Variants in RYR3 observed in about 807,000 individuals in gnomAD.
The protein encoded by RYR3 is brain ryanodine receptor-calcium release channel.
In RYR3, 207 loss-of-function variants were observed where a neutral mutation model predicts 584.3. The observed-to-expected ratio is 0.35, with a 90% confidence interval of 0.32 to 0.40. The LOEUF is 0.40. Ranked by LOEUF, RYR3 falls within the 10% of genes least tolerant of loss-of-function variation. The probability of loss-of-function intolerance (pLI) is 1.00; values close to 1 mark genes in which losing one functional copy is unlikely to be tolerated. For missense variants in RYR3, 5,616 were observed against 6,089.2 expected, an observed-to-expected ratio of 0.92 and a Z score of 2.59; for synonymous variants, 2,416 against 2,248.5, an observed-to-expected ratio of 1.07 and a Z score of -2.11.
chr15:33,380,577 G>A (rs1284639801), intron 1 of RYR3, among the ~76,000 whole-genome samples: 1 of 152,186 alleles, frequency 6.6e-6, no homozygotes, highest in Non-Finnish European at 1.5e-5. Context: ...AATTCCACAG[G>A]CTGCACTTAG....
Position 33,634,610 on chromosome 15 carries a change from C to G in RYR3, c.3052C>G (p.Arg1018Gly). Residue 1018 changes from arginine (R) to glycine (G), a missense_variant, in exon 25 of 104, where the codon CGT becomes GGT. Transcript: ENST00000634891. ...QQDLKNKRNP[R>G]LVPYALLDER... ...GGATTTGAAGAACAAAAGAAATCCCCGTCTGGTGCCATATGCATTACTGGA... is the reference window on the plus strand; with the variant it reads ...GGATTTGAAGAACAAAAGAAATCCCGGTCTGGTGCCATATGCATTACTGGA... The G allele has an allele frequency of 6.2e-7, 1 of 1,613,862 alleles. No individual in the cohort carries two copies. Among genetic ancestry groups the G allele is most frequent in the Non-Finnish European group, 8.5e-7 (1 of 1,179,840 alleles).
At chr15:33,631,996 TG>T (rs1050208977) in intron 23 of RYR3, among the ~76,000 whole-genome samples, 11 of 152,368 alleles carry the variant, frequency 7.2e-5, no homozygotes, top group African/African-American at 2.6e-4. Context: ...AAAGCACATC[TG>T]ACAGGCTGCA....
At chr15:33,840,161 G>A (rs749803730) in intron 89 of RYR3, among the ~76,000 whole-genome samples, 15 of 152,330 alleles carry the variant, frequency 9.8e-5, no homozygotes, top group Non-Finnish European at 1.9e-4. Flanking sequence ...GGTGTCATCT[G>A]AGTCAAGTCC....
intron 1 of RYR3, among the ~76,000 whole-genome samples, chr15:33,332,831 TCTTAAAGC>T (rs1254651682): frequency 6.6e-6 from 1 of 152,034 alleles, no homozygotes; most frequent in African/African-American, 2.4e-5. Flanking sequence ...AAATCTGTAT[TCTTAAAGC>T]AGGGTGGGCA....
At chr15:33,337,880 T>C (rs1032960420) in intron 1 of RYR3, among the ~76,000 whole-genome samples, 1 of 150,690 alleles carries the variant, frequency 6.6e-6, no homozygotes, top group Non-Finnish European at 1.5e-5. Context: ...GTGTGTACAT[T>C]ATACATATGT....
At position 33,646,386 on chromosome 15, in the gene RYR3, G is replaced by A. The variant is rs2062104227; in HGVS notation, c.3801G>A (p.Pro1267=). The part of the protein sequence containing the change: ...MRIDGTMDSP[P]CLKVTHKTFG... Reference sequence around the variant, plus strand: ...TTGATGGCACCATGGACAGCCCTCCGTGTCTCAAGGTGACGCATAAGACAT... The same window carrying A: ...TTGATGGCACCATGGACAGCCCTCCATGTCTCAAGGTGACGCATAAGACAT... The change falls in exon 29 of 104, where the codon CCG becomes CCA. Residue 1267 remains proline (P), a synonymous_variant. Transcript: ENST00000634891. 4.3e-6 allele frequency: 7 copies of A among 1,612,658 alleles called. No homozygotes were observed. The highest frequency in any genetic ancestry group is 1.7e-5 in the Admixed American group (1 of 59,940).
At chr15:33,550,094 A>G in intron 9 of RYR3, 66 bp from the exon 10 acceptor site, 1 of 1,501,878 alleles carries the variant, frequency 6.7e-7, no homozygotes, top group Non-Finnish European at 9.0e-7. Flanking sequence ...AAGAAAGCAT[A>G]GGATAAATAC....
chr15:33,661,565 G>T (rs930858409), intron 34 of RYR3, among the ~76,000 whole-genome samples: 3 of 151,976 alleles, frequency 2.0e-5, no homozygotes, highest in African/African-American at 4.8e-5. Context: ...GGGGGAGGGG[G>T]TAGAGGGGAT....
chr15:33,664,356 A>G (rs1263799112), intron 36 of RYR3, among the ~76,000 whole-genome samples: 1 of 151,984 alleles, frequency 6.6e-6, no homozygotes, highest in Non-Finnish European at 1.5e-5. Flanking sequence ...AAGAAGAGTC[A>G]AGATCCTAGT....
At position 33,854,929 on chromosome 15, in the gene RYR3, T is replaced by C. The variant is rs1379114425; in HGVS notation, c.14007+17T>C. On this transcript the variant is annotated intron_variant, in intron 98 of 103. Transcript: ENST00000634891. ...GGCAAACAGGTATGGTTTCTACTGA[T>C]GCAGAACAGAATGGACCTGTATATG... The C allele has an allele frequency of 6.2e-7, 1 of 1,603,152 alleles. No homozygotes were observed. The highest frequency in any genetic ancestry group is 8.5e-7 in the Non-Finnish European group (1 of 1,175,294).
At chr15:33,328,036 C>A (rs1969943191) in intron 1 of RYR3, among the ~76,000 whole-genome samples, 1 of 152,104 alleles carries the variant, frequency 6.6e-6, no homozygotes, top group Non-Finnish European at 1.5e-5. Flanking sequence ...TGTATGTGTG[C>A]CTGAAATTAA....
chr15:33,586,891 G>A (rs772894058), intron 16 of RYR3, among the ~76,000 whole-genome samples: 13 of 152,072 alleles, frequency 8.5e-5, no homozygotes, highest in Admixed American at 4.6e-4. Context: ...GTGGCCAGAC[G>A]CGATATTCAA....
At chr15:33,489,031 A>T (rs1489667025) in intron 2 of RYR3, among the ~76,000 whole-genome samples, 1 of 152,140 alleles carries the variant, frequency 6.6e-6, no homozygotes, top group African/African-American at 2.4e-5. Context: ...TTGGGTAGTG[A>T]TTCAAGAGAT....
At chr15:33,701,433 C>T (rs1481695783) in intron 42 of RYR3, among the ~76,000 whole-genome samples, 2 of 152,172 alleles carry the variant, frequency 1.3e-5, no homozygotes, top group Non-Finnish European at 2.9e-5. Flanking sequence ...AGAGACATGG[C>T]AGAATACTGT....
chr15:33,697,335 C>T (rs1481840908), intron 39 of RYR3, among the ~76,000 whole-genome samples: 2 of 152,182 alleles, frequency 1.3e-5, no homozygotes, highest in South Asian at 2.1e-4. Context: ...CCCCAGCCTT[C>T]GTAGTAGACA....
chr15:33,785,906 C>T lies in RYR3; in HGVS notation c.9513C>T (p.Leu3171=). ...CTKVTSEHLS[L]ILGNILKIIN... is the part of the protein sequence containing the mutation. The stretch of plus-strand genomic sequence containing the variant: ...AGGTCACCTCTGAACACCTCAGTCT[C>T]ATCCTGGGCAACATTCTGAAAATCA... The change falls in exon 66 of 104, where the codon CTC becomes CTT. Residue 3171 remains leucine, a synonymous_variant. Coordinates refer to ENST00000634891, the MANE Select transcript of RYR3 (RefSeq NM_001036.6). The T allele has an allele frequency of 6.2e-7, 1 of 1,612,562 alleles. No homozygotes were observed. Among genetic ancestry groups the T allele is most frequent in the Non-Finnish European group, 8.5e-7 (1 of 1,178,966 alleles).
At chr15:33,628,612 G>A in intron 21 of RYR3, 37 bp downstream of exon 21, 1 of 1,337,512 alleles carries the variant, frequency 7.5e-7, no homozygotes, top group Non-Finnish European at 1.1e-6. Context: ...TGGAGGGTGG[G>A]ATTGCCTTGT....
At position 33,475,595 on chromosome 15, in the gene RYR3, G is replaced by T. The variant is rs550359253; in HGVS notation, c.171+2057G>T. On this transcript the variant is annotated intron_variant, in intron 2 of 103. Transcript: ENST00000634891. ...TGCAGCCTGGTTCCCAACAGGCCATGAACTGGGTCCATGGCCCCAGGGGTT... is the reference window on the plus strand; with the variant it reads ...TGCAGCCTGGTTCCCAACAGGCCATTAACTGGGTCCATGGCCCCAGGGGTT... Among the ~76,000 whole-genome samples the T allele has an allele frequency of 5.9e-5, 9 of 152,324 alleles. No homozygotes were observed. The South Asian group carries it at 1.0e-3, about 18-fold the overall frequency.
Position 33,694,601 on chromosome 15 carries a change from A to G in RYR3, c.5861-1617A>G, listed in dbSNP as rs139630498. Among the ~76,000 whole-genome samples, 47 of 152,236 alleles carry G rather than the reference A, an allele frequency of 3.1e-4. No individual in the cohort carries two copies. In the East Asian group the frequency reaches 8.1e-3, roughly 26 times the overall value. The stretch of plus-strand genomic sequence containing the variant: ...AATTAGGGTTTCTCCTCCAAAATAT[A>G]TACATGTGAATTAACCAGGAGATGC... On this transcript the variant is annotated intron_variant, in intron 38 of 103. Transcript: ENST00000634891.
Sources: gnomAD v4.1 joint callset for allele counts (sites outside exome capture counted in the v4.1 genomes callset) on GRCh38, gnomAD v4.1.1 for gene constraint, MANE v1.5 for transcripts, NCBI Gene and HGNC (gene_info 2026-07-23, HGNC 2026-07-21) for gene names.